The following FHIT variants were observed in gnomAD, a reference collection of about 807,000 sequenced individuals.
FHIT encodes the protein fragile histidine triad diadenosine triphosphatase, also known as bis(5'-adenosyl)-triphosphatase.
In FHIT, 19 loss-of-function variants were observed where a neutral mutation model predicts 17.9. The ratio of observed to expected loss-of-function variants is 1.06; its 90% CI spans 0.74 to 1.56. The LOEUF (loss-of-function observed/expected upper bound fraction) is 1.56. Ranked by LOEUF, FHIT falls within the 40% of genes most tolerant of loss-of-function variation. The pLI is 0.00. For missense variants in FHIT, 248 were observed against 189.2 expected, an observed-to-expected ratio of 1.31 and a Z score of -1.82; for synonymous variants, 81 against 69.7, an observed-to-expected ratio of 1.16 and a Z score of -0.81.
At chr3:60,537,193 A>G (rs1403475291) in intron 4 of FHIT, among the ~76,000 whole-genome samples, 1 of 152,056 alleles carries the variant, frequency 6.6e-6, no homozygotes, top group Non-Finnish European at 1.5e-5. Flanking sequence ...GATTAGAGTT[A>G]GCAATTTTCA....
At chr3:60,806,633 C>A (rs1330956128) in intron 4 of FHIT, among the ~76,000 whole-genome samples, 2 of 152,188 alleles carry the variant, frequency 1.3e-5, no homozygotes, top group African/African-American at 4.8e-5. Context: ...ATACTTAACA[C>A]TTTTTACCTG....
chr3:60,161,842 G>A (rs1376178263), intron 5 of FHIT, among the ~76,000 whole-genome samples: 1 of 152,120 alleles, frequency 6.6e-6, no homozygotes, highest in Non-Finnish European at 1.5e-5. Context: ...CATCAGGCTC[G>A]ATGGTGCCTG....
intron 5 of FHIT, among the ~76,000 whole-genome samples, chr3:60,517,582 T>A (rs1053126138): frequency 6.6e-6 from 1 of 152,212 alleles, no homozygotes; most frequent in Non-Finnish European, 1.5e-5. Flanking sequence ...GGAATTGCCA[T>A]ATATGGCTTA....
chr3:60,319,364 G>A (rs1395363127), intron 5 of FHIT, among the ~76,000 whole-genome samples: 1 of 151,910 alleles, frequency 6.6e-6, no homozygotes, highest in African/African-American at 2.4e-5. Context: ...AACCTTCAAA[G>A]GATCTGCTGA....
At chr3:60,711,373 C>T (rs923355297) in intron 4 of FHIT, among the ~76,000 whole-genome samples, 11 of 152,212 alleles carry the variant, frequency 7.2e-5, no homozygotes, top group Non-Finnish European at 1.3e-4. Flanking sequence ...AGCGCCTCTC[C>T]TCCTCCAAAG....
At chr3:61,142,992 T>A (rs565220835) in intron 2 of FHIT, among the ~76,000 whole-genome samples, 1 of 152,146 alleles carries the variant, frequency 6.6e-6, no homozygotes, top group Admixed American at 6.5e-5. Context: ...ACCAGGGAAT[T>A]TTTTTTTATC....
chr3:61,149,707 G>A (rs907975477), intron 2 of FHIT, among the ~76,000 whole-genome samples: 1 of 151,518 alleles, frequency 6.6e-6, no homozygotes, highest in African/African-American at 2.4e-5. Flanking sequence ...GTGAGATCCA[G>A]TCTCTACAAA....
chr3:61,177,046 G>A (rs1204728287), intron 2 of FHIT, among the ~76,000 whole-genome samples: 1 of 152,078 alleles, frequency 6.6e-6, no homozygotes, highest in Non-Finnish European at 1.5e-5. Context: ...GCATGGCGGC[G>A]GGCGCCTGTA....
At chr3:59,803,967 A>T (rs1351162400) in intron 8 of FHIT, among the ~76,000 whole-genome samples, 1 of 152,240 alleles carries the variant, frequency 6.6e-6, no homozygotes, top group Non-Finnish European at 1.5e-5. Flanking sequence ...AAAAACTGCA[A>T]TTACTTCTGC....
chr3:60,261,643 A>C (rs1706306388), intron 5 of FHIT, among the ~76,000 whole-genome samples: 1 of 152,034 alleles, frequency 6.6e-6, no homozygotes, highest in African/African-American at 2.4e-5. Context: ...TATTTAATGG[A>C]TAAGCTTGAC....
chr3:60,305,811 AGC>A (rs1708645393), intron 5 of FHIT, among the ~76,000 whole-genome samples: 1 of 152,146 alleles, frequency 6.6e-6, no homozygotes, highest in East Asian at 1.9e-4. Flanking sequence ...ATGGATACTT[AGC>A]AATTTTTAAT....
At chr3:60,453,950 T>C (rs1169191511) in intron 5 of FHIT, among the ~76,000 whole-genome samples, 1 of 151,804 alleles carries the variant, frequency 6.6e-6, no homozygotes, top group Non-Finnish European at 1.5e-5. Context: ...GAGTAATGGG[T>C]CTTCAATCTC....
At chr3:60,965,333 T>C (rs2107512776) in intron 3 of FHIT, among the ~76,000 whole-genome samples, 1 of 152,344 alleles carries the variant, frequency 6.6e-6, no homozygotes, top group Middle Eastern at 3.4e-3. Flanking sequence ...GCGATTCGTC[T>C]AATCTTTTTT....
intron 8 of FHIT, among the ~76,000 whole-genome samples, chr3:59,765,419 G>C (rs953221682): frequency 6.6e-6 from 1 of 152,142 alleles, no homozygotes; most frequent in African/African-American, 2.4e-5. Flanking sequence ...TGCTTTCAAG[G>C]CTTCAATGCT....
intron 3 of FHIT, among the ~76,000 whole-genome samples, chr3:60,918,480 A>G (rs1403469001): frequency 6.6e-6 from 1 of 152,262 alleles, no homozygotes; most frequent in Non-Finnish European, 1.5e-5. Context: ...TACTGAAATG[A>G]CAACTAAAAA....
chr3:60,204,111 G>C (rs933205130), intron 5 of FHIT, among the ~76,000 whole-genome samples: 5 of 152,118 alleles, frequency 3.3e-5, no homozygotes, highest in African/African-American at 1.2e-4. Flanking sequence ...AAGGAAAAAT[G>C]CTTAGGGAGA....
At chr3:60,611,848 A>G (rs2038795363) in intron 4 of FHIT, among the ~76,000 whole-genome samples, 1 of 152,192 alleles carries the variant, frequency 6.6e-6, no homozygotes, top group East Asian at 1.9e-4. Context: ...TGTCACAGAT[A>G]TGGAGGTTAG....
chr3:60,487,916 A>G (rs1015818493), intron 5 of FHIT, among the ~76,000 whole-genome samples: 3 of 152,202 alleles, frequency 2.0e-5, no homozygotes, highest in Admixed American at 6.5e-5. Flanking sequence ...TTCTCCAGCC[A>G]AAGCAAATAG....
intron 5 of FHIT, among the ~76,000 whole-genome samples, chr3:60,458,902 G>C (rs1273460852): frequency 1.3e-5 from 2 of 151,548 alleles, no homozygotes; most frequent in Non-Finnish European, 2.9e-5. Context: ...AGCCTCCCAA[G>C]CAAGCTGGGA....
Sources: gnomAD v4.1 joint callset for allele counts (sites outside exome capture counted in the v4.1 genomes callset) on GRCh38, gnomAD v4.1.1 for gene constraint, MANE v1.5 for transcripts, NCBI Gene and HGNC (gene_info 2026-07-23, HGNC 2026-07-21) for gene names.